Variants in FMN1 observed in about 807,000 individuals in gnomAD.
The protein encoded by FMN1 is formin-1.
FMN1 carries 110 observed loss-of-function variants against 132.4 expected under a neutral mutation model. The ratio of observed to expected loss-of-function variants is 0.83; its 90% confidence interval spans 0.71 to 0.97. FMN1 has a LOEUF of 0.97. Among genes scored for constraint, FMN1 ranks in the 50% least tolerant of loss-of-function variants. The pLI, the probability that FMN1 is intolerant of heterozygous loss-of-function variation, is 0.00. For missense variants in FMN1, 1,792 were observed against 1,705.3 expected (o/e 1.05, Z -0.90); for synonymous variants, 722 against 651.7 (o/e 1.11, Z -1.64).
intron 6 of FMN1, among the ~76,000 whole-genome samples, chr15:33,013,819 C>T (rs1566825574): frequency 1.3e-5 from 2 of 152,170 alleles, no homozygotes; most frequent in Non-Finnish European, 2.9e-5. Context: ...CTACTTAAAC[C>T]AAGCTTCTTG....
chr15:33,106,688 CTG>C (rs2039500396), intron 4 of FMN1, among the ~76,000 whole-genome samples: 1 of 152,028 alleles, frequency 6.6e-6, no homozygotes, highest in Non-Finnish European at 1.5e-5. Flanking sequence ...GGCCAGATAA[CTG>C]TTTTCTGTGG....
intron 6 of FMN1, among the ~76,000 whole-genome samples, chr15:33,034,010 G>A (rs751922640): frequency 6.6e-6 from 1 of 152,010 alleles, no homozygotes; most frequent in African/African-American, 2.4e-5. Flanking sequence ...GGTCCCCTGG[G>A]TCAGTCCTGG....
chr15:32,988,151 T>C (rs1310936192), intron 7 of FMN1, among the ~76,000 whole-genome samples: 1 of 150,196 alleles, frequency 6.7e-6, no homozygotes, highest in East Asian at 2.0e-4. Flanking sequence ...TAGGTCACAG[T>C]AGGACATAGT....
chr15:32,815,584 T>C (rs1189010553), intron 17 of FMN1, among the ~76,000 whole-genome samples: 1 of 152,196 alleles, frequency 6.6e-6, no homozygotes, highest in East Asian at 1.9e-4. Context: ...TGCTATAGTT[T>C]AAAAACAAGC....
intron 4 of FMN1, among the ~76,000 whole-genome samples, chr15:33,113,337 T>C (rs1278074896): frequency 1.3e-5 from 2 of 152,226 alleles, no homozygotes; most frequent in African/African-American, 2.4e-5. Flanking sequence ...CTACAAAATT[T>C]GAATTATCTA....
intron 2 of FMN1, among the ~76,000 whole-genome samples, chr15:33,189,509 A>C (rs1428227333): frequency 6.6e-6 from 1 of 152,246 alleles, no homozygotes; most frequent in African/African-American, 2.4e-5. Flanking sequence ...CATACCCAGC[A>C]TACTGAACTT....
chr15:32,853,076 G>A (rs1194508301), intron 17 of FMN1, among the ~76,000 whole-genome samples: 2 of 152,248 alleles, frequency 1.3e-5, no homozygotes, highest in East Asian at 1.9e-4. Flanking sequence ...ATAGCAGGGC[G>A]GTAACAGTAC....
chr15:33,134,447 G>A (rs1217577543), intron 4 of FMN1, among the ~76,000 whole-genome samples: 1 of 152,128 alleles, frequency 6.6e-6, no homozygotes, highest in Non-Finnish European at 1.5e-5. Context: ...TGTGTGTTTG[G>A]CATGTAAATG....
chr15:33,035,389 T>C (rs533538651), intron 6 of FMN1, among the ~76,000 whole-genome samples: 5 of 152,312 alleles, frequency 3.3e-5, no homozygotes, highest in African/African-American at 1.2e-4. Context: ...GATAGACCCC[T>C]GAATTCTGTC....
At chr15:32,849,053 G>A (rs191028355) in intron 17 of FMN1, among the ~76,000 whole-genome samples, 19 of 134,538 alleles carry the variant, frequency 1.4e-4, no homozygotes, top group Non-Finnish European at 2.3e-4. Context: ...GCGCAATCTC[G>A]GCTCACTGCA....
At chr15:33,088,098 G>A (rs943103032) in intron 5 of FMN1, among the ~76,000 whole-genome samples, 19 of 152,062 alleles carry the variant, frequency 1.2e-4, no homozygotes, top group African/African-American at 4.6e-4. Flanking sequence ...ACTACACACT[G>A]GGTACAGTGT....
chr15:33,007,470 G>A (rs149799735), intron 7 of FMN1, among the ~76,000 whole-genome samples: 1 of 152,062 alleles, frequency 6.6e-6, no homozygotes, highest in Non-Finnish European at 1.5e-5. Flanking sequence ...CAAGGGAAAT[G>A]ATCCCTCAGT....
chr15:32,920,985 AC>A lies in FMN1; in HGVS notation c.3226+5188del, dbSNP rs542979866. ...ATTCAACAGGCACTTCATGATCATC[AC>A]CTGGGTGCCAGACACAGGTGCAAGG... On this transcript the variant is annotated intron_variant, in intron 10 of 20. Coordinates refer to ENST00000616417, the MANE Select transcript of FMN1 (RefSeq NM_001277313.2). Among the ~76,000 whole-genome samples, 1,021 of 152,260 alleles carry A rather than the reference AC, an allele frequency of 6.7e-3. 5 individuals are homozygous for A. The highest frequency in any genetic ancestry group is 8.7e-3 in the Non-Finnish European group (591 of 68,022).
At chr15:33,181,725 T>TTTTGTTG (rs1965709997) in intron 2 of FMN1, among the ~76,000 whole-genome samples, 1 of 148,716 alleles carries the variant, frequency 6.7e-6, no homozygotes. Flanking sequence ...TTTTTTTTTT[T>TTTTGTTG]GAGATGGAGT....
At chr15:33,127,743 A>T (rs1963236621) in intron 4 of FMN1, among the ~76,000 whole-genome samples, 1 of 152,226 alleles carries the variant, frequency 6.6e-6, no homozygotes, top group Non-Finnish European at 1.5e-5. Context: ...TTGTAATGAT[A>T]GGGGAAACCA....
intron 17 of FMN1, among the ~76,000 whole-genome samples, chr15:32,854,457 C>T (rs867306182): frequency 6.6e-6 from 1 of 152,172 alleles, no homozygotes; most frequent in Non-Finnish European, 1.5e-5. Context: ...ATATTCTTAA[C>T]TTTTTTAATA....
At chr15:32,972,728 C>T (rs1223522493) in intron 7 of FMN1, among the ~76,000 whole-genome samples, 1 of 152,098 alleles carries the variant, frequency 6.6e-6, no homozygotes, top group African/African-American at 2.4e-5. Context: ...TCTAGATGAT[C>T]TCATATACTC....
chr15:32,833,717 T>A (rs1287018498), intron 17 of FMN1, among the ~76,000 whole-genome samples: 1 of 152,220 alleles, frequency 6.6e-6, no homozygotes, highest in African/African-American at 2.4e-5. Context: ...GAGTAACTTC[T>A]GTAAAGAAAA....
At chr15:33,069,205 T>G (rs2037888275) in intron 5 of FMN1, among the ~76,000 whole-genome samples, 1 of 152,200 alleles carries the variant, frequency 6.6e-6, no homozygotes, top group South Asian at 2.1e-4. Flanking sequence ...ACCACTCTAT[T>G]TATATGCTGG....
Sources: allele counts gnomAD v4.1 joint callset (sites outside exome capture counted in the v4.1 genomes callset), GRCh38; gene constraint gnomAD v4.1.1; transcripts MANE v1.5; gene names NCBI Gene and HGNC (gene_info 2026-07-23, HGNC 2026-07-21).